The following IL6R variants were observed in gnomAD, a reference collection of about 807,000 sequenced individuals.
IL6R encodes the protein interleukin-6 receptor subunit alpha.
In IL6R, 38 loss-of-function variants were observed where a neutral mutation model predicts 48.3. The ratio of observed to expected loss-of-function variants is 0.79; its 90% CI spans 0.61 to 1.03. The LOEUF is 1.03. IL6R is among the 50% of genes least tolerant of loss of function. The probability of loss-of-function intolerance (pLI) is 0.00; values close to 1 mark genes in which losing one functional copy is unlikely to be tolerated. For missense variants in IL6R, 534 were observed against 618.3 expected (o/e 0.86, Z 1.45); for synonymous variants, 264 against 256.2 (o/e 1.03, Z -0.29).
chr1:154,410,577 G>T (rs1336170406), intron 1 of IL6R, among the ~76,000 whole-genome samples: 3 of 152,204 alleles, frequency 2.0e-5, no homozygotes, highest in African/African-American at 7.2e-5. Flanking sequence ...TAGTTAATCT[G>T]TGTTCTTTAC....
chr1:154,454,732 A>G (rs1375586305), intron 9 of IL6R, 151 bp downstream of exon 9: 2 of 653,976 alleles, frequency 3.1e-6, no homozygotes, highest in African/African-American at 3.6e-5. Context: ...AACACCTACT[A>G]TTATGCCAAG....
chr1:154,454,175 A>C, intron 8 of IL6R: 1 of 410,616 alleles, frequency 2.4e-6, no homozygotes, highest in South Asian at 2.6e-5. Context: ...TCTGAAAGTG[A>C]GTAGGAGTCT....
rs769134200 is a variant in IL6R at position 154,435,142 on chromosome 1, T to C, written c.793T>C (p.Phe265Leu). 6.2e-7 allele frequency: 1 copy of C among 1,614,078 alleles called. No homozygotes were observed. Residue 265 changes from phenylalanine to leucine, a missense_variant, in exon 5 of 10, where the codon TTC becomes CTC. By Grantham distance (22) the Phe-to-Leu change is conservative (BLOSUM62 0). Coordinates refer to ENST00000368485, the MANE Select transcript of IL6R (RefSeq NM_000565.4). ...ATATCGGGCTGAACGGTCAAAGACATTCACAACATGGATGGTAAATTTATG... is the reference window on the plus strand; with the variant it reads ...ATATCGGGCTGAACGGTCAAAGACACTCACAACATGGATGGTAAATTTATG... ...LRYRAERSKT[F>L]TTWMVKDLQH...
rs753055692 is a variant in IL6R at position 154,465,414 on chromosome 1, G to A, written c.*34G>A. 1.7e-5 allele frequency: 28 copies of A among 1,611,994 alleles called. No individual in the cohort carries two copies. In the Admixed American group the frequency reaches 4.2e-4, roughly 24 times the overall value. On this transcript the variant is annotated 3_prime_UTR_variant, in exon 10 of 10. Transcript: ENST00000368485. ...GTGGCACCAGCAGCCTGGACCCTGTGGATGATAAAACACAAACGGGCTCAG... is the reference window on the plus strand; with the variant it reads ...GTGGCACCAGCAGCCTGGACCCTGTAGATGATAAAACACAAACGGGCTCAG...
intron 3 of IL6R, among the ~76,000 whole-genome samples, chr1:154,434,035 C>G (rs1021295726): frequency 1.3e-5 from 2 of 151,768 alleles, no homozygotes; most frequent in African/African-American, 4.8e-5. Context: ...CCTTATTTCT[C>G]AGTCTTAACA....
At chr1:154,439,311 T>C (rs1375051087) in intron 6 of IL6R, among the ~76,000 whole-genome samples, 1 of 152,206 alleles carries the variant, frequency 6.6e-6, no homozygotes, top group Admixed American at 6.5e-5. Flanking sequence ...ATTTACCATT[T>C]ATATTATTAT....
chr1:154,467,384 C>T lies in IL6R; in HGVS notation c.*2004C>T, dbSNP rs1302102321. On this transcript the variant is annotated 3_prime_UTR_variant, in exon 10 of 10. Transcript: ENST00000368485. The stretch of plus-strand genomic sequence containing the variant: ...TTTAAATCAGCCGTGTAACCATGGA[C>T]CCAATATTTACCAGACCACAAAACT... The T allele has an allele frequency of 6.6e-6, 1 of 151,702 alleles. No homozygotes were observed. The highest frequency in any genetic ancestry group is 2.4e-5 in the African/African-American group (1 of 40,988). 9.4% of individuals were successfully genotyped at this position (151,702 alleles called of 1,614,324 possible). A position where few individuals can be genotyped will look rare whatever the true frequency, so the allele number is the denominator to read the frequency against.
intron 5 of IL6R, among the ~76,000 whole-genome samples, chr1:154,435,365 G>A (rs989700365): frequency 6.6e-6 from 1 of 152,112 alleles, no homozygotes; most frequent in Non-Finnish European, 1.5e-5. Context: ...CAAAAAATTA[G>A]CTGGGTGTGG....
At chr1:154,453,205 C>CA (rs1214918809) in intron 8 of IL6R, among the ~76,000 whole-genome samples, 28 of 149,770 alleles carry the variant, frequency 1.9e-4, no homozygotes, top group Non-Finnish European at 3.4e-4. Flanking sequence ...GACTCCATTT[C>CA]AAAAAAAAAG....
chr1:154,454,496 T>G lies in IL6R; in HGVS notation c.1075T>G (p.Ser359Ala), dbSNP rs1690761062. ...TTTTTTTTTTAACCTAGTGCAAGATTCTTCTTCAGTACCACTGCCCACATT... is the reference window on the plus strand; with the variant it reads ...TTTTTTTTTTAACCTAGTGCAAGATGCTTCTTCAGTACCACTGCCCACATT... ...ANATSLPVQD[S>A]SSVPLPTFLV... The change falls in exon 9 of 10, where the codon TCT (serine) becomes GCT (alanine). Residue 359 changes from serine to alanine, a missense_variant. Ser to Ala is a moderately conservative substitution (Grantham distance 99). Coordinates refer to ENST00000368485, the MANE Select transcript of IL6R (RefSeq NM_000565.4). The G allele has an allele frequency of 1.9e-6, 3 of 1,611,030 alleles. No individual in the cohort carries two copies. The highest frequency in any genetic ancestry group is 4.5e-5 in the East Asian group (2 of 44,868).
At chr1:154,427,421 G>A (rs932565038) in intron 1 of IL6R, among the ~76,000 whole-genome samples, 6 of 152,200 alleles carry the variant, frequency 3.9e-5, no homozygotes, top group African/African-American at 1.4e-4. Flanking sequence ...AGGTGTCTCA[G>A]GAACCTGCCC....
At chr1:154,447,554 CACAT>C (rs1553309725) in intron 6 of IL6R, among the ~76,000 whole-genome samples, 46 of 110,678 alleles carry the variant, frequency 4.2e-4, no homozygotes, top group African/African-American at 2.6e-3. Flanking sequence ...TATACACATA[CACAT>C]ATATATATAT....
intron 3 of IL6R, among the ~76,000 whole-genome samples, chr1:154,431,030 G>C (rs1689265791): frequency 6.6e-6 from 1 of 152,208 alleles, no homozygotes; most frequent in Non-Finnish European, 1.5e-5. Context: ...ATCCCTGGGA[G>C]GGGGTGTAGC....
intron 7 of IL6R, among the ~76,000 whole-genome samples, chr1:154,449,596 G>T (rs926554153): frequency 5.9e-5 from 9 of 152,210 alleles, no homozygotes; most frequent in South Asian, 2.1e-4. Flanking sequence ...AGTCATGGTA[G>T]TACCTGCATC....
At chr1:154,433,734 A>ATT (rs34926346) in intron 3 of IL6R, among the ~76,000 whole-genome samples, 1,961 of 147,928 alleles carry the variant, frequency 0.013, 24 homozygotes, top group African/African-American at 0.023. Context: ...TTATTGCTCA[A>ATT]TTTTTTTTTT....
chr1:154,423,987 G>A (rs957575445), intron 1 of IL6R, among the ~76,000 whole-genome samples: 4 of 152,226 alleles, frequency 2.6e-5, no homozygotes, highest in Non-Finnish European at 2.9e-5. Flanking sequence ...CCGCTGAACT[G>A]GGGTAGGGGA....
chr1:154,430,045 C>T (rs1172125890), intron 2 of IL6R, among the ~76,000 whole-genome samples: 3 of 152,138 alleles, frequency 2.0e-5, no homozygotes, highest in African/African-American at 7.2e-5. Context: ...TCTTGTAATC[C>T]TTCAGCAGCC....
chr1:154,455,149 G>C (rs1226231087), intron 9 of IL6R, among the ~76,000 whole-genome samples: 1 of 152,106 alleles, frequency 6.6e-6, no homozygotes, highest in Non-Finnish European at 1.5e-5. Flanking sequence ...AGGGTCAAGT[G>C]ATCCGCCTGC....
At chr1:154,414,351 G>C in intron 1 of IL6R, 3 of 1,319,866 alleles carry the variant, frequency 2.3e-6, no homozygotes, top group Non-Finnish European at 3.2e-6. Flanking sequence ...GCCCCACCCT[G>C]TGCCTGGTGG....
Sources: allele counts gnomAD v4.1 joint callset (sites outside exome capture counted in the v4.1 genomes callset), GRCh38; gene constraint gnomAD v4.1.1; transcripts MANE v1.5; gene names NCBI Gene and HGNC (gene_info 2026-07-23, HGNC 2026-07-21).